Variants in ANGPTL2 observed in about 807,000 individuals in gnomAD.
ANGPTL2 encodes angiopoietin like 2.
A neutral mutation model predicts 52.8 loss-of-function variants in ANGPTL2; 25 were observed. The ratio of observed to expected loss-of-function variants is 0.47; its 90% CI spans 0.35 to 0.66. ANGPTL2 has a LOEUF of 0.66. ANGPTL2 is among the 30% of genes least tolerant of loss of function. The pLI, the probability that ANGPTL2 is intolerant of heterozygous loss-of-function variation, is 0.01. For missense variants in ANGPTL2, 546 were observed against 656.9 expected, an observed-to-expected ratio of 0.83 and a Z score of 1.84; for synonymous variants, 276 against 277.4, an observed-to-expected ratio of 1.00 and a Z score of 0.05.
At position 127,108,235 on chromosome 9, in the gene ANGPTL2, G is replaced by A. The variant is rs773067095; in HGVS notation, c.497C>T (p.Thr166Ile). The A allele has an allele frequency of 6.2e-7, 1 of 1,613,968 alleles. No homozygotes were observed. The highest frequency in any genetic ancestry group is 1.3e-5 in the African/African-American group (1 of 74,878). Reference protein sequence around the residue: ...SQLENRILNQTADMLQLASKY... With the variant: ...SQLENRILNQIADMLQLASKY... ...GCTGGCCAGCTGCAGCATGTCGGCT[G>A]TCTGGTTCAGGATCCTGTTCTCCAG... Residue 166 changes from threonine to isoleucine, a missense_variant, in exon 2 of 5, where the codon ACA becomes ATA. This residue lies in a region of ANGPTL2 where 285 missense variants were observed against 295.8 expected (regional missense o/e 0.96). Coordinates refer to ENST00000373425, the MANE Select transcript of ANGPTL2 (RefSeq NM_012098.3).
Position 127,091,684 on chromosome 9 carries a change from T to C in ANGPTL2, c.1268A>G (p.His423Arg). ...ACTTTTCCTACCTGTGTAGACATCA[T>C]GATCTCTGTCCAGGGTGGTGAACTG... ...GKQFTTLDRD[H>R]DVYTGNCAHY... The change falls in exon 4 of 5, where the codon CAT (histidine) becomes CGT (arginine). Residue 423 changes from histidine (H) to arginine (R), a missense_variant. By Grantham distance (29) the His-to-Arg change is conservative. Around this residue, in one of 2 missense-constraint regions of ANGPTL2, gnomAD observed 261 missense variants for 361.0 expected, o/e 0.72. Transcript: ENST00000373425. The surrounding 1 kb of genome is among the most constrained non-coding windows in gnomAD (Gnocchi z 4.3). 1 of 1,613,744 alleles carries C rather than the reference T, an allele frequency of 6.2e-7. No individual in the cohort carries two copies. The highest frequency in any genetic ancestry group is 8.5e-7 in the Non-Finnish European group (1 of 1,179,910).
intron 1 of ANGPTL2, among the ~76,000 whole-genome samples, chr9:127,113,545 A>G (rs1334975620): frequency 6.6e-6 from 1 of 151,144 alleles, no homozygotes; most frequent in African/African-American, 2.4e-5. Flanking sequence ...GGACTGAAGA[A>G]GAACTCAACT....
At chr9:127,116,995 T>A (rs1194460386) in intron 1 of ANGPTL2, among the ~76,000 whole-genome samples, 2 of 152,154 alleles carry the variant, frequency 1.3e-5, no homozygotes, top group African/African-American at 4.8e-5. Flanking sequence ...CCCTGCAGTC[T>A]ACACTGCATG....
At chr9:127,095,305 G>A (rs770181414) in intron 2 of ANGPTL2, among the ~76,000 whole-genome samples, 1 of 152,184 alleles carries the variant, frequency 6.6e-6, no homozygotes, top group Non-Finnish European at 1.5e-5. Context: ...GGGTGAGGCA[G>A]GAGAATCCCT....
intron 4 of ANGPTL2, 145 bp from the exon 5 acceptor site, chr9:127,089,283 G>T: frequency 1.3e-6 from 1 of 796,838 alleles, no homozygotes; most frequent in Non-Finnish European, 2.0e-6. Flanking sequence ...CATGGGTGGT[G>T]AGAGGCCATG....
rs773160477 is a variant in ANGPTL2 at position 127,108,671 on chromosome 9, C to G, written c.61G>C (p.Ala21Pro). 6.8e-6 allele frequency: 11 copies of G among 1,613,454 alleles called. No individual in the cohort carries two copies. Among genetic ancestry groups the G allele is most frequent in the Non-Finnish European group, 8.5e-6 (10 of 1,179,906 alleles). The change falls in exon 2 of 5, where the codon GCA becomes CCA. Residue 21 changes from alanine to proline, a missense_variant. Around this residue, in one of 2 missense-constraint regions of ANGPTL2, gnomAD observed 285 missense variants for 295.8 expected, o/e 0.96. Coordinates refer to ENST00000373425, the MANE Select transcript of ANGPTL2 (RefSeq NM_012098.3). ...CCCTCAAAACCGTCCTCCTGGCCTG[C>G]AACAGCTCCCATGGCAGCCAGCAGT... ...LGLLAAMGAV[A>P]GQEDGFEGTE...
In ANGPTL2 at chr9:127,091,629, T is replaced by C. The variant is rs1411684392; in HGVS notation, c.1282+41A>G. The C allele has an allele frequency of 1.9e-6, 3 of 1,593,892 alleles. No individual in the cohort carries two copies. The highest frequency in any genetic ancestry group is 2.6e-6 in the Non-Finnish European group (3 of 1,168,510). ...GGGGCTCTGGCTCTGGTTGACCTCT[T>C]TTCCCTACCCTGCACCTGGGTTTGA... On this transcript the variant is annotated intron_variant, in intron 4 of 4. Transcript: ENST00000373425. The surrounding 1 kb of genome is among the most constrained non-coding windows in gnomAD (Gnocchi z 4.3).
chr9:127,095,169 C>A (rs886854900), intron 2 of ANGPTL2, among the ~76,000 whole-genome samples: 2 of 152,218 alleles, frequency 1.3e-5, no homozygotes, highest in African/African-American at 4.8e-5. Context: ...GAGGCTGAGG[C>A]AGGCAGATCA....
chr9:127,121,346 C>T (rs1156424728), intron 1 of ANGPTL2, among the ~76,000 whole-genome samples: 2 of 152,230 alleles, frequency 1.3e-5, no homozygotes, highest in Non-Finnish European at 2.9e-5. Flanking sequence ...GAAGCCAGCT[C>T]ATGAGGACTG....
At chr9:127,107,830 C>G in intron 2 of ANGPTL2, 85 bp downstream of exon 2, 1 of 1,406,948 alleles carries the variant, frequency 7.1e-7, no homozygotes, top group African/African-American at 1.4e-5. Context: ...CTGGCCATGG[C>G]TTTTCCCCAT....
At chr9:127,093,271 A>G (rs2052697428) in intron 3 of ANGPTL2, among the ~76,000 whole-genome samples, 1 of 152,120 alleles carries the variant, frequency 6.6e-6, no homozygotes, top group South Asian at 2.1e-4. Flanking sequence ...TGGAATTAGG[A>G]CTTGAGCATT....
At chr9:127,100,434 C>G (rs182225071) in intron 2 of ANGPTL2, among the ~76,000 whole-genome samples, 1 of 152,178 alleles carries the variant, frequency 6.6e-6, no homozygotes, top group Non-Finnish European at 1.5e-5. Flanking sequence ...CAAAGCATTG[C>G]GTCGCTCTTA....
At chr9:127,097,181 A>AT (rs1012349872) in intron 2 of ANGPTL2, among the ~76,000 whole-genome samples, 6 of 152,076 alleles carry the variant, frequency 3.9e-5, no homozygotes, top group African/African-American at 1.4e-4. Flanking sequence ...ATCTTTAATG[A>AT]TTTTTTTCTT....
In ANGPTL2 at chr9:127,091,052, C is replaced by G. The variant is rs1320553486; in HGVS notation, c.1282+618G>C. On this transcript the variant is annotated intron_variant, in intron 4 of 4. Transcript: ENST00000373425. This position sits in a 1 kb window ranked among gnomAD's most constrained non-coding sequence, Gnocchi z 4.3. ...TCCTCTTAATAGCTTCCTCTCAGCA[C>G]TGCACTAGCATTACATGCAGTAACA... Among the ~76,000 whole-genome samples, 1 of 152,252 alleles carries G rather than the reference C, an allele frequency of 6.6e-6. No homozygotes were observed. The highest frequency in any genetic ancestry group is 1.5e-5 in the Non-Finnish European group (1 of 68,044).
At chr9:127,114,090 A>G (rs928678597) in intron 1 of ANGPTL2, among the ~76,000 whole-genome samples, 1 of 152,116 alleles carries the variant, frequency 6.6e-6, no homozygotes, top group African/African-American at 2.4e-5. Context: ...CTTTATATAC[A>G]TTATCTCACT....
At chr9:127,099,279 G>A (rs556567200) in intron 2 of ANGPTL2, among the ~76,000 whole-genome samples, 14 of 152,184 alleles carry the variant, frequency 9.2e-5, no homozygotes, top group Non-Finnish European at 1.9e-4. Flanking sequence ...TAGTCCATAC[G>A]CAGGCACTAG....
rs148554698 is a variant in ANGPTL2 at position 127,094,613 on chromosome 9, C to T, written c.818-687G>A. 1.6e-4 allele frequency among the ~76,000 whole-genome samples: 24 copies of T among 152,366 alleles called. No homozygotes were observed. In the East Asian group the frequency reaches 4.2e-3, roughly 27 times the overall value. On this transcript the variant is annotated intron_variant, in intron 2 of 4. Transcript: ENST00000373425. ...ATATTTCTGCAATTCATTCACTGCTCTTCAAGTGTGTTTTTAGGGGGCCAG... is the reference window on the plus strand; with the variant it reads ...ATATTTCTGCAATTCATTCACTGCTTTTCAAGTGTGTTTTTAGGGGGCCAG...
intron 1 of ANGPTL2, among the ~76,000 whole-genome samples, chr9:127,110,922 C>A (rs1019717761): frequency 3.9e-5 from 6 of 152,138 alleles, no homozygotes; most frequent in African/African-American, 1.4e-4. Flanking sequence ...GCCCATCCTA[C>A]CTTCTGTCCT....
chr9:127,107,803 CT>C, intron 2 of ANGPTL2, 111 bp downstream of exon 2: 1 of 1,158,686 alleles, frequency 8.6e-7, no homozygotes. Context: ...TTGTGCATGT[CT>C]TTGGCCTGGC....
Sources: allele counts gnomAD v4.1 joint callset (sites outside exome capture counted in the v4.1 genomes callset), GRCh38; gene constraint gnomAD v4.1.1; regional missense constraint gnomAD v4.1.1; non-coding constraint Gnocchi (gnomAD v3.1); transcripts MANE v1.5; gene names NCBI Gene and HGNC (gene_info 2026-07-23, HGNC 2026-07-21).